MGAT4C: variants seen among roughly 807,000 people sequenced by gnomAD.
MGAT4C encodes the protein alpha-1,3-mannosyl-glycoprotein 4-beta-N-acetylglucosaminyltransferase C.
MGAT4C carries 19 observed loss-of-function variants against 40.1 expected under a neutral mutation model. The observed-to-expected ratio is 0.47, with a 90% CI of 0.33 to 0.70. MGAT4C has a LOEUF of 0.70. Ranked by LOEUF, MGAT4C falls within the 30% of genes least tolerant of loss-of-function variation. The pLI, the probability that MGAT4C is intolerant of heterozygous loss-of-function variation, is 0.02. For missense variants in MGAT4C, 491 were observed against 563.2 expected (o/e 0.87, Z 1.30); for synonymous variants, 181 against 187.1 (o/e 0.97, Z 0.27).
rs997714293 is a variant in MGAT4C, at chr12:85,972,781, T to C, written c.*6508A>G. ...TAATTATTCTAACTTTTTGGAACTA[T>C]ACTTTCACTCATTGATGAAGTAAGT... On this transcript the variant is annotated 3_prime_UTR_variant, in exon 5 of 5. Transcript: ENST00000611864. 2.0e-5 allele frequency: 3 copies of C among 151,100 alleles called. No individual in the cohort carries two copies. Among genetic ancestry groups the C allele is most frequent in the Non-Finnish European group, 4.5e-5 (3 of 67,230 alleles). The allele number at this position is 151,100 out of a possible 1,614,324, so 9.4% of individuals were successfully genotyped here.
chr12:86,331,373 C>T (rs1236534326), intron 4 of MGAT4C, among the ~76,000 whole-genome samples: 1 of 152,102 alleles, frequency 6.6e-6, no homozygotes, highest in Non-Finnish European at 1.5e-5. Context: ...GGCATTTTTC[C>T]CTTACAAGTC....
chr12:86,791,961 A>G (rs560934081), intron 1 of MGAT4C, among the ~76,000 whole-genome samples: 4 of 152,308 alleles, frequency 2.6e-5, no homozygotes, highest in Admixed American at 2.0e-4. Context: ...GAGACGGGGC[A>G]AAATTCCCAA....
intron 3 of MGAT4C, among the ~76,000 whole-genome samples, chr12:86,388,726 G>A (rs1268386558): frequency 1.4e-5 from 2 of 142,788 alleles, no homozygotes; most frequent in East Asian, 2.0e-4. Flanking sequence ...TTGTTGCCCA[G>A]GCTGGAGTGC....
intron 3 of MGAT4C, among the ~76,000 whole-genome samples, chr12:86,389,571 G>C (rs1956127561): frequency 1.3e-5 from 2 of 152,182 alleles, no homozygotes; most frequent in Admixed American, 1.3e-4. Context: ...TAATGGGATT[G>C]TTGGGTCAAA....
At chr12:86,769,295 A>G (rs888707442) in intron 1 of MGAT4C, among the ~76,000 whole-genome samples, 3 of 152,134 alleles carry the variant, frequency 2.0e-5, no homozygotes, top group African/African-American at 7.2e-5. Context: ...CATCAGAGAA[A>G]TGCAAATCAA....
At chr12:86,083,703 C>T (rs1021389514) in intron 1 of MGAT4C, among the ~76,000 whole-genome samples, 1 of 151,988 alleles carries the variant, frequency 6.6e-6, no homozygotes, top group Non-Finnish European at 1.5e-5. Flanking sequence ...GGCTTATCAC[C>T]ACAATGTTCC....
chr12:86,827,782 C>A (rs1033331373), intron 1 of MGAT4C, among the ~76,000 whole-genome samples: 4 of 151,256 alleles, frequency 2.6e-5, no homozygotes, highest in Non-Finnish European at 5.9e-5. Context: ...CACAACTTGA[C>A]AATTTCAAAG....
Position 86,635,657 on chromosome 12 carries a change from TTGTGTG to T in MGAT4C, c.-229+91546_-229+91551del, listed in dbSNP as rs71309507. On this transcript the variant is annotated intron_variant, in intron 2 of 7. Coordinates refer to the MGAT4C transcript ENST00000548651. The stretch of plus-strand genomic sequence containing the variant: ...TTTTACTGTACCTTTTCTATATACA[TTGTGTG>T]TGTGTGTGTGTGTGTGTGTATGTAT... Among the ~76,000 whole-genome samples the T allele has an allele frequency of 5.3e-4, 78 of 147,344 alleles. 1 individual carries two copies. The highest frequency in any genetic ancestry group is 1.6e-3 in the Admixed American group (23 of 14,598).
intron 2 of MGAT4C, among the ~76,000 whole-genome samples, chr12:86,636,681 T>C (rs1223766046): frequency 6.6e-6 from 1 of 152,056 alleles, no homozygotes; most frequent in African/African-American, 2.4e-5. Context: ...GAAATTTTCA[T>C]GTTGTTTAAC....
chr12:86,236,065 T>TATGGCCATTTAAA (rs1951528849), intron 1 of MGAT4C, among the ~76,000 whole-genome samples: 1 of 152,082 alleles, frequency 6.6e-6, no homozygotes, highest in Non-Finnish European at 1.5e-5. Context: ...AGGTCTAATT[T>TATGGCCATTTAAA]ATGGCCATTT....
intron 1 of MGAT4C, among the ~76,000 whole-genome samples, chr12:86,130,009 G>C (rs930452398): frequency 2.6e-5 from 4 of 152,198 alleles, no homozygotes; most frequent in East Asian, 3.9e-4. Context: ...ACTCTGAGGA[G>C]TGATGAAAGT....
At position 86,761,173 on chromosome 12, in the gene MGAT4C, T is replaced by C. The variant is rs141958713; in HGVS notation, c.-261-33932A>G. On this transcript the variant is annotated intron_variant, in intron 1 of 7. Transcript: ENST00000548651. The stretch of plus-strand genomic sequence containing the variant: ...TTTGTGGTTGGCCTCCATGGAATGA[T>C]GGCACTTAGTAAAAAAAATGAAATA... 2.6e-5 allele frequency among the ~76,000 whole-genome samples: 4 copies of C among 152,280 alleles called. No homozygotes were observed. The East Asian group carries it at 7.7e-4, about 29-fold the overall frequency.
At chr12:86,302,577 C>A (rs565840701) in intron 4 of MGAT4C, among the ~76,000 whole-genome samples, 1 of 150,220 alleles carries the variant, frequency 6.7e-6, no homozygotes, top group South Asian at 2.1e-4. Context: ...TACAGGCATA[C>A]GCCAACGTGC....
rs1883089109 is a variant in MGAT4C at position 85,961,121 on chromosome 12, AC to A, written c.*18167del. ...GGAGCAGGTAAGAAAATTGTTGTTG[AC>A]TCTCATTAGTATTCTAATTCTCCTT... On this transcript the variant is annotated 3_prime_UTR_variant, in exon 5 of 5. Transcript: ENST00000611864. 6.6e-6 allele frequency: 1 copy of A among 151,888 alleles called. No homozygotes were observed. The highest frequency in any genetic ancestry group is 2.4e-5 in the African/African-American group (1 of 41,424). The allele number at this position is 151,888 out of a possible 1,614,324, so 9.4% of individuals were successfully genotyped here.
At chr12:86,538,491 T>C (rs948701562) in intron 2 of MGAT4C, among the ~76,000 whole-genome samples, 1 of 152,118 alleles carries the variant, frequency 6.6e-6, no homozygotes, top group Non-Finnish European at 1.5e-5. Flanking sequence ...TTGGAATAGG[T>C]AAGGTGTTAT....
At chr12:86,445,757 C>T (rs1488459124) in intron 2 of MGAT4C, among the ~76,000 whole-genome samples, 3 of 151,936 alleles carry the variant, frequency 2.0e-5, no homozygotes, top group African/African-American at 4.8e-5. Flanking sequence ...GAGTCTCAAA[C>T]CTAATGTTGA....
chr12:86,177,748 C>G lies in MGAT4C; in HGVS notation c.-57+78491G>C, dbSNP rs544512816. 3.3e-5 allele frequency among the ~76,000 whole-genome samples: 5 copies of G among 151,870 alleles called. No homozygotes were observed. In the East Asian group the frequency reaches 9.6e-4, roughly 29 times the overall value. On this transcript the variant is annotated intron_variant, in intron 1 of 4. Coordinates refer to ENST00000611864, the MANE Select transcript of MGAT4C (RefSeq NM_001351288.2). Reference sequence around the variant, plus strand: ...TACAGTGTCTAATATAATATATTTTCGATTATATCCCTTTCTACTAATCAT... The same window carrying G: ...TACAGTGTCTAATATAATATATTTTGGATTATATCCCTTTCTACTAATCAT...
At chr12:86,696,036 C>T (rs186086404) in intron 2 of MGAT4C, among the ~76,000 whole-genome samples, 96 of 151,748 alleles carry the variant, frequency 6.3e-4, no homozygotes, top group African/African-American at 2.2e-3. Context: ...ATGGTGAAAC[C>T]CCGTTTCTAC....
intron 1 of MGAT4C, among the ~76,000 whole-genome samples, chr12:86,181,564 A>G (rs1043861482): frequency 6.6e-6 from 1 of 152,198 alleles, no homozygotes; most frequent in African/African-American, 2.4e-5. Context: ...CAAGGATCCT[A>G]AGTATATCAA....
Sources: gnomAD v4.1 joint callset for allele counts (sites outside exome capture counted in the v4.1 genomes callset) on GRCh38, gnomAD v4.1.1 for gene constraint, MANE v1.5 for transcripts, NCBI Gene and HGNC (gene_info 2026-07-23, HGNC 2026-07-21) for gene names.